Variants in TRIO observed in about 807,000 individuals in gnomAD.
TRIO encodes the protein trio Rho guanine nucleotide exchange factor.
In TRIO, 58 loss-of-function variants were observed where a neutral mutation model predicts 351.9. The observed-to-expected ratio is 0.16, with a 90% CI of 0.13 to 0.21. TRIO has a LOEUF of 0.21. Among genes scored for constraint, TRIO ranks in the 10% least tolerant of loss-of-function variants. TRIO has a pLI of 1.00. For synonymous variants in TRIO, 1,758 were observed against 1,595.7 expected (o/e 1.10, Z -2.42); for missense variants, 3,201 against 4,027.8 (o/e 0.79, Z 5.56).
At position 14,390,223 on chromosome 5, in the gene TRIO, C is replaced by A; in HGVS notation, c.4059-8C>A. 6.2e-7 allele frequency: 1 copy of A among 1,611,854 alleles called. No homozygotes were observed. The highest frequency in any genetic ancestry group is 8.5e-7 in the Non-Finnish European group (1 of 1,179,238). ...TTTGTAATATGATACCATTTTTATTCTTTGCAGCATATTCCTAAAGGAGCT... is the reference window on the plus strand; with the variant it reads ...TTTGTAATATGATACCATTTTTATTATTTGCAGCATATTCCTAAAGGAGCT... On this transcript the variant is annotated splice_region_variant and splice_polypyrimidine_tract_variant and intron_variant, in intron 25 of 56. Transcript: ENST00000344204.
At chr5:14,327,038 T>C (rs1209237492) in intron 9 of TRIO, among the ~76,000 whole-genome samples, 3 of 152,256 alleles carry the variant, frequency 2.0e-5, no homozygotes, top group Non-Finnish European at 2.9e-5. Context: ...TACATTTCTG[T>C]CTGAAGGAAT....
rs142849878 is a variant in TRIO, at chr5:14,498,582, G to A, written c.8274G>A (p.Thr2758=). The A allele has an allele frequency of 7.3e-5, 118 of 1,614,230 alleles. No homozygotes were observed. In the East Asian group the frequency reaches 1.4e-3, roughly 20 times the overall value. The change falls in exon 53 of 57, where the codon ACG becomes ACA. Residue 2758 remains threonine, a synonymous_variant. Transcript: ENST00000344204. ...CCACGGAAGATGACGGCATCTACAC[G>A]TGCATCGCTGTCAATGACATGGGTT... ...GVTTEDDGIY[T]CIAVNDMGSA... is the part of the protein sequence containing the mutation.
chr5:14,447,452 TAATA>T (rs1329053328), intron 34 of TRIO, among the ~76,000 whole-genome samples: 1 of 152,198 alleles, frequency 6.6e-6, no homozygotes, highest in African/African-American at 2.4e-5. Flanking sequence ...TTTAAAATAA[TAATA>T]AATGTATACA....
chr5:14,497,078 G>A lies in TRIO; in HGVS notation c.8019+61G>A. ...CAGCATGAGAGAAAGGATCAGGGAGGGCAGAGACTCTGCAGACCTGAAGCT... is the reference window on the plus strand; with the variant it reads ...CAGCATGAGAGAAAGGATCAGGGAGAGCAGAGACTCTGCAGACCTGAAGCT... On this transcript the variant is annotated intron_variant, in intron 50 of 56. Coordinates refer to ENST00000344204, the MANE Select transcript of TRIO (RefSeq NM_007118.4). This position sits in a 1 kb window ranked among gnomAD's most constrained non-coding sequence, Gnocchi z 4.4. 1 of 1,593,604 alleles carries A rather than the reference G, an allele frequency of 6.3e-7. No homozygotes were observed. Among genetic ancestry groups the A allele is most frequent in the Non-Finnish European group, 8.6e-7 (1 of 1,169,022 alleles).
intron 11 of TRIO, among the ~76,000 whole-genome samples, chr5:14,346,087 A>G (rs62344980): frequency 0.014 from 2,113 of 152,348 alleles, 27 homozygotes; most frequent in Non-Finnish European, 0.023. Context: ...TTGCCAGGAC[A>G]GCTTAAAAGC....
chr5:14,474,725 C>A (rs775350750), intron 40 of TRIO, among the ~76,000 whole-genome samples: 1 of 152,042 alleles, frequency 6.6e-6, no homozygotes, highest in Non-Finnish European at 1.5e-5. Flanking sequence ...TGTAATAGTG[C>A]GATCATAGCT....
chr5:14,360,689 TA>T (rs1286143889), intron 13 of TRIO, among the ~76,000 whole-genome samples: 4 of 152,226 alleles, frequency 2.6e-5, no homozygotes, highest in Non-Finnish European at 5.9e-5. Context: ...TGGGCCTGTC[TA>T]TAGGCCTGCC....
chr5:14,321,423 G>T (rs565041129), intron 9 of TRIO, among the ~76,000 whole-genome samples: 1 of 152,378 alleles, frequency 6.6e-6, no homozygotes, highest in African/African-American at 2.4e-5. Flanking sequence ...GAATGCCAGT[G>T]CATGGTGCAA....
At chr5:14,447,511 T>C (rs1752527158) in intron 34 of TRIO, among the ~76,000 whole-genome samples, 1 of 152,220 alleles carries the variant, frequency 6.6e-6, no homozygotes, top group Admixed American at 6.5e-5. Flanking sequence ...ATCAGTCATA[T>C]AGTTTAAACC....
chr5:14,405,714 G>A (rs866994959), intron 31 of TRIO, 134 bp from the exon 32 acceptor site: 12 of 1,023,544 alleles, frequency 1.2e-5, no homozygotes, highest in African/African-American at 8.2e-5. Flanking sequence ...ATTAAACGTC[G>A]GATGTGGTTG....
chr5:14,350,463 G>C (rs572931676), intron 11 of TRIO, among the ~76,000 whole-genome samples: 153 of 152,284 alleles, frequency 1.0e-3, no homozygotes, highest in African/African-American at 3.1e-3. Flanking sequence ...TGTTTGGTTA[G>C]TTTAAGTCCA....
At chr5:14,319,940 G>A (rs354923) in intron 9 of TRIO, among the ~76,000 whole-genome samples, 1,940 of 152,230 alleles carry the variant, frequency 0.013, 43 homozygotes, top group African/African-American at 0.044. Context: ...GTAGTCAGGC[G>A]TGGCGGGAAA....
intron 1 of TRIO, among the ~76,000 whole-genome samples, chr5:14,264,823 G>GTGCGCT (rs532088215): frequency 1.2e-3 from 189 of 152,328 alleles, no homozygotes; most frequent in African/African-American, 4.4e-3. Flanking sequence ...CCCTCTGCGC[G>GTGCGCT]TGCGCTTGCG....
At chr5:14,488,796 A>G (rs1337881780) in intron 48 of TRIO, 11 of 601,632 alleles carry the variant, frequency 1.8e-5, no homozygotes, top group Non-Finnish European at 2.7e-5. Context: ...GGGGGAAAGA[A>G]TCTGTCCACT....
intron 26 of TRIO, 36 bp from the exon 27 acceptor site, chr5:14,390,865 T>C (rs746981223): frequency 1.3e-6 from 2 of 1,554,916 alleles, no homozygotes; most frequent in East Asian, 4.5e-5. Flanking sequence ...TGACTTGTTA[T>C]GATTTAAATG....
At chr5:14,162,234 C>T (rs951614913) in intron 1 of TRIO, among the ~76,000 whole-genome samples, 7 of 152,152 alleles carry the variant, frequency 4.6e-5, no homozygotes, top group East Asian at 1.9e-4. Flanking sequence ...GATCCTGGCT[C>T]GTGGAGGAGC....
At chr5:14,414,590 G>A (rs949003672) in intron 33 of TRIO, among the ~76,000 whole-genome samples, 4 of 151,866 alleles carry the variant, frequency 2.6e-5, no homozygotes, top group African/African-American at 4.8e-5. Flanking sequence ...TTTTGAAAAC[G>A]TTTTTTCTCA....
rs1462732336 is a variant in TRIO, at chr5:14,509,694, C to T, written c.*1272C>T. On this transcript the variant is annotated 3_prime_UTR_variant, in exon 57 of 57. Coordinates refer to ENST00000344204, the MANE Select transcript of TRIO (RefSeq NM_007118.4). ...AAATAAAAGCCGATTAAGCACTGGC[C>T]GCCCCGCGGCTGGTACCCAATGCCC... 5.6e-5 allele frequency: 18 copies of T among 320,452 alleles called. No individual in the cohort carries two copies. The highest frequency in any genetic ancestry group is 3.7e-4 in the South Asian group (15 of 41,086). 19.9% of individuals were successfully genotyped at this position (320,452 alleles called of 1,614,324 possible).
At chr5:14,365,241 C>T (rs766478081) in intron 15 of TRIO, among the ~76,000 whole-genome samples, 1 of 152,204 alleles carries the variant, frequency 6.6e-6, no homozygotes, top group African/African-American at 2.4e-5. Flanking sequence ...AATACCACAT[C>T]CTGATGGCAT....
Sources: allele counts gnomAD v4.1 joint callset (sites outside exome capture counted in the v4.1 genomes callset), GRCh38; gene constraint gnomAD v4.1.1; non-coding constraint Gnocchi (gnomAD v3.1); transcripts MANE v1.5; gene names NCBI Gene and HGNC (gene_info 2026-07-23, HGNC 2026-07-21).